Variants in MIOS observed in about 807,000 individuals in gnomAD.
The protein encoded by MIOS is GATOR2 complex protein MIOS.
A neutral mutation model predicts 96.9 loss-of-function variants in MIOS; 52 were observed. The ratio of observed to expected loss-of-function variants is 0.54; its 90% CI spans 0.43 to 0.68. MIOS has a LOEUF of 0.68. Ranked by LOEUF, MIOS falls within the 30% of genes least tolerant of loss-of-function variation. MIOS has a pLI of 0.00. For synonymous variants in MIOS, 397 were observed against 359.5 expected (o/e 1.10, Z -1.18); for missense variants, 1,005 against 1,052.8 (o/e 0.95, Z 0.63).
intron 11 of MIOS, among the ~76,000 whole-genome samples, chr7:7,603,634 C>T (rs1245999743): frequency 1.3e-5 from 2 of 152,102 alleles, no homozygotes; most frequent in South Asian, 2.1e-4. Context: ...CTAGTTCAAC[C>T]ATTGTGGAAG....
At chr7:7,593,249 A>C (rs1003684230) in intron 9 of MIOS, among the ~76,000 whole-genome samples, 3 of 152,266 alleles carry the variant, frequency 2.0e-5, no homozygotes, top group South Asian at 4.2e-4. Flanking sequence ...GTAGACCTCT[A>C]CTTTTTTAAG....
At chr7:7,597,468 TTATATATATATATATATA>T (rs1160646084) in intron 11 of MIOS, among the ~76,000 whole-genome samples, 36 of 11,696 alleles carry the variant, frequency 3.1e-3, no homozygotes, top group African/African-American at 0.015. Flanking sequence ...CCTAGTAAAT[TTATATATATATATATATA>T]TATATATATA....
Position 7,608,084 on chromosome 7 carries a change from G to A in MIOS, c.*992G>A, listed in dbSNP as rs892925138. ...TAGACTAGGAAGTGTTGGGGAAATGGGGTCACTTCAGAGACCATTTTAGAT... is the reference window on the plus strand; with the variant it reads ...TAGACTAGGAAGTGTTGGGGAAATGAGGTCACTTCAGAGACCATTTTAGAT... On this transcript the variant is annotated 3_prime_UTR_variant, in exon 13 of 13. Transcript: ENST00000340080. 3 of 152,190 alleles carry A rather than the reference G, an allele frequency of 2.0e-5. No homozygotes were observed. The highest frequency in any genetic ancestry group is 7.2e-5 in the African/African-American group (3 of 41,538). 9.4% of individuals were successfully genotyped at this position (152,190 alleles called of 1,614,324 possible).
At chr7:7,593,012 C>T (rs984806360) in intron 9 of MIOS, among the ~76,000 whole-genome samples, 2 of 152,202 alleles carry the variant, frequency 1.3e-5, no homozygotes, top group Admixed American at 1.3e-4. Context: ...ATTTTCATTA[C>T]AGATCATGTT....
At chr7:7,583,962 G>A (rs989254764) in intron 6 of MIOS, among the ~76,000 whole-genome samples, 1 of 151,848 alleles carries the variant, frequency 6.6e-6, no homozygotes, top group Non-Finnish European at 1.5e-5. Flanking sequence ...GAGGATCCTC[G>A]GAAAAACAAA....
intron 11 of MIOS, among the ~76,000 whole-genome samples, chr7:7,602,926 A>G (rs926897533): frequency 7.2e-5 from 11 of 152,300 alleles, no homozygotes; most frequent in African/African-American, 2.4e-4. Flanking sequence ...CCTATCTACA[A>G]CCATCTGATC....
Position 7,573,174 on chromosome 7 carries a change from C to A in MIOS, c.699C>A (p.Asp233Glu), listed in dbSNP as rs1316814129. 1 of 1,613,948 alleles carries A rather than the reference C, an allele frequency of 6.2e-7. No individual in the cohort carries two copies. The highest frequency in any genetic ancestry group is 8.5e-7 in the Non-Finnish European group (1 of 1,179,966). Residue 233 changes from aspartate (D) to glutamate (E), a missense_variant, in exon 4 of 13, where the codon GAC becomes GAA. Asp to Glu is a conservative substitution (Grantham distance 45). Coordinates refer to ENST00000340080, the MANE Select transcript of MIOS (RefSeq NM_019005.4). The surrounding 1 kb of genome is among the most constrained non-coding windows in gnomAD (Gnocchi z 5.0). ...AAGCTGTTCAGGGTGTGACGGTAGACCCATATTTCCACGATCGTGTTGCTT... is the reference window on the plus strand; with the variant it reads ...AAGCTGTTCAGGGTGTGACGGTAGAACCATATTTCCACGATCGTGTTGCTT... ...NTKAVQGVTV[D>E]PYFHDRVASF...
In MIOS at chr7:7,573,965, A is replaced by G. The variant is rs1783441657; in HGVS notation, c.1295-133A>G. 1.1e-6 allele frequency: 1 copy of G among 884,080 alleles called. No individual in the cohort carries two copies. The highest frequency in any genetic ancestry group is 1.7e-6 in the Non-Finnish European group (1 of 593,166). The allele number at this position is 884,080 out of a possible 1,614,324, so 54.8% of individuals were successfully genotyped here. A position where few individuals can be genotyped will look rare whatever the true frequency, so the allele number is the denominator to read the frequency against. On this transcript the variant is annotated intron_variant, in intron 4 of 12. Coordinates refer to ENST00000340080, the MANE Select transcript of MIOS (RefSeq NM_019005.4). The surrounding 1 kb of genome is among the most constrained non-coding windows in gnomAD (Gnocchi z 5.0). Reference sequence around the variant, plus strand: ...TTGTAGATTGTGTAGGAGGAAGAAAAGTGTATCTCTGCAATAGAGTCGAAC... The same window carrying G: ...TTGTAGATTGTGTAGGAGGAAGAAAGGTGTATCTCTGCAATAGAGTCGAAC...
At chr7:7,583,684 T>C (rs758065678) in intron 6 of MIOS, among the ~76,000 whole-genome samples, 10 of 149,984 alleles carry the variant, frequency 6.7e-5, no homozygotes, top group African/African-American at 9.7e-5. Context: ...TTTTAAAATA[T>C]ATTTTCTTAA....
Position 7,589,394 on chromosome 7 carries a change from A to G in MIOS, c.1885-11A>G. ...CAGATTGCTTTAGAAAAATCACTTT[A>G]AATTTTCCAGTTAAATAGATACATC... On this transcript the variant is annotated splice_polypyrimidine_tract_variant and intron_variant, in intron 8 of 12. Transcript: ENST00000340080. The G allele has an allele frequency of 6.2e-7, 1 of 1,611,450 alleles. No homozygotes were observed. The highest frequency in any genetic ancestry group is 1.1e-5 in the South Asian group (1 of 90,792).
intron 12 of MIOS, 59 bp downstream of exon 12, chr7:7,606,130 T>A: frequency 1.3e-6 from 2 of 1,580,312 alleles, no homozygotes; most frequent in South Asian, 2.3e-5. Context: ...CACAGATTGC[T>A]TCTAAATAGT....
At chr7:7,602,300 G>T (rs1045086730) in intron 11 of MIOS, among the ~76,000 whole-genome samples, 2 of 152,188 alleles carry the variant, frequency 1.3e-5, no homozygotes, top group Middle Eastern at 3.2e-3. Flanking sequence ...GTTTGCAGAT[G>T]ACATGATTGT....
chr7:7,573,091 C>T lies in MIOS; in HGVS notation c.616C>T (p.Arg206Cys), dbSNP rs1428064398. The change falls in exon 4 of 13, where the codon CGT becomes TGT. Residue 206 changes from arginine (R) to cysteine (C), a missense_variant. Coordinates refer to ENST00000340080, the MANE Select transcript of MIOS (RefSeq NM_019005.4). This position sits in a 1 kb window ranked among gnomAD's most constrained non-coding sequence, Gnocchi z 5.0. ...DQKLLLAGMH[R>C]NLAIFDLRNT... is the part of the protein sequence containing the mutation. Reference sequence around the variant, plus strand: ...GAAACTTCTCCTTGCTGGTATGCATCGTAACCTAGCTATATTTGATCTTCG... The same window carrying T: ...GAAACTTCTCCTTGCTGGTATGCATTGTAACCTAGCTATATTTGATCTTCG... 6.2e-7 allele frequency: 1 copy of T among 1,614,042 alleles called. No individual in the cohort carries two copies. The highest frequency in any genetic ancestry group is 1.3e-5 in the African/African-American group (1 of 75,008).
rs1783437473 is a variant in MIOS at position 7,573,875 on chromosome 7, C to T, written c.1294+106C>T. The stretch of plus-strand genomic sequence containing the variant: ...ATGCTCAATGTTTTATATACAAATA[C>T]AAGTTACATAATACTAACATTATAA... On this transcript the variant is annotated intron_variant, in intron 4 of 12. Transcript: ENST00000340080. The surrounding 1 kb of genome is among the most constrained non-coding windows in gnomAD (Gnocchi z 5.0). 5 of 1,123,886 alleles carry T rather than the reference C, an allele frequency of 4.4e-6. No homozygotes were observed. In the Admixed American group the frequency reaches 7.1e-5, roughly 16 times the overall value. The allele number at this position is 1,123,886 out of a possible 1,614,324, so 69.6% of individuals were successfully genotyped here. A position where few individuals can be genotyped will look rare whatever the true frequency, so the allele number is the denominator to read the frequency against.
chr7:7,590,337 A>T (rs540875930), intron 9 of MIOS, among the ~76,000 whole-genome samples: 1 of 152,348 alleles, frequency 6.6e-6, no homozygotes, highest in Non-Finnish European at 1.5e-5. Context: ...TGCCCATGGA[A>T]GAAAAAGTAC....
chr7:7,585,914 C>A, intron 7 of MIOS, 109 bp downstream of exon 7: 4 of 998,732 alleles, frequency 4.0e-6, no homozygotes, highest in East Asian at 3.1e-5. Context: ...TATTTTTATG[C>A]ATATGTTATT....
At position 7,572,842 on chromosome 7, in the gene MIOS, C is replaced by T. The variant is rs1187374983; in HGVS notation, c.367C>T (p.Pro123Ser). Residue 123 changes from proline (P) to serine (S), a missense_variant, in exon 4 of 13, where the codon CCA (proline) becomes TCA (serine). Physicochemically the swap from Pro to Ser is moderately conservative, Grantham distance 74. Coordinates refer to ENST00000340080, the MANE Select transcript of MIOS (RefSeq NM_019005.4). The surrounding 1 kb of genome is among the most constrained non-coding windows in gnomAD (Gnocchi z 4.8). ...ARQCNTLAWN[P>S]LDSNWLAAGL... The stretch of plus-strand genomic sequence containing the variant: ...ACAATGTAATACCCTTGCCTGGAAT[C>T]CACTGGATAGTAACTGGCTAGCTGC... 6.2e-7 allele frequency: 1 copy of T among 1,614,046 alleles called. No homozygotes were observed. Among genetic ancestry groups the T allele is most frequent in the Non-Finnish European group, 8.5e-7 (1 of 1,180,012 alleles).
At chr7:7,582,543 A>C in intron 5 of MIOS, 3 of 629,850 alleles carry the variant, frequency 4.8e-6, no homozygotes, top group Non-Finnish European at 5.9e-6. Flanking sequence ...ATAGCCCTCA[A>C]GTTAGTCCCA....
At chr7:7,585,400 AAACC>A (rs1783851930) in intron 6 of MIOS, among the ~76,000 whole-genome samples, 1 of 114,730 alleles carries the variant, frequency 8.7e-6, no homozygotes, top group Non-Finnish European at 1.8e-5. Context: ...GTCTGAATCA[AAACC>A]CAAACCCCCC....
Sources: gnomAD v4.1 joint callset for allele counts (sites outside exome capture counted in the v4.1 genomes callset) on GRCh38, gnomAD v4.1.1 for gene constraint, Gnocchi (gnomAD v3.1) non-coding constraint, MANE v1.5 for transcripts, NCBI Gene and HGNC (gene_info 2026-07-23, HGNC 2026-07-21) for gene names.